KCNIP4: variants seen among roughly 807,000 people sequenced by gnomAD.
The protein encoded by KCNIP4 is Kv channel-interacting protein 4.
A neutral mutation model predicts 34.0 loss-of-function variants in KCNIP4; 12 were observed. The ratio of observed to expected loss-of-function variants is 0.35; its 90% CI spans 0.23 to 0.57. KCNIP4 has a LOEUF of 0.57. Among genes scored for constraint, KCNIP4 ranks in the 20% least tolerant of loss-of-function variants. The pLI is 0.83. For synonymous variants in KCNIP4, 124 were observed against 102.2 expected (o/e 1.21, Z -1.29); for missense variants, 238 against 311.7 (o/e 0.76, Z 1.78).
chr4:21,886,787 A>C (rs1452721010), intron 1 of KCNIP4, among the ~76,000 whole-genome samples: 1 of 151,586 alleles, frequency 6.6e-6, no homozygotes, highest in Non-Finnish European at 1.5e-5. Context: ...GGGCACACAC[A>C]CACAAATTAC....
chr4:21,295,834 A>C (rs1763809196), intron 1 of KCNIP4, among the ~76,000 whole-genome samples: 1 of 152,144 alleles, frequency 6.6e-6, no homozygotes. Context: ...CCCCAATAGT[A>C]TATACATTTC....
intron 1 of KCNIP4, among the ~76,000 whole-genome samples, chr4:21,602,740 C>G (rs1040304263): frequency 9.9e-5 from 15 of 151,916 alleles, no homozygotes; most frequent in Admixed American, 6.6e-5. Context: ...TTTACGTATG[C>G]CTGTAACTGT....
At chr4:21,097,365 C>A (rs559256236) in intron 1 of KCNIP4, among the ~76,000 whole-genome samples, 1 of 152,112 alleles carries the variant, frequency 6.6e-6, no homozygotes, top group East Asian at 1.9e-4. Context: ...ACAAAGATAT[C>A]ATTTTTTATT....
intron 1 of KCNIP4, among the ~76,000 whole-genome samples, chr4:21,053,271 G>A (rs1251101619): frequency 1.3e-5 from 2 of 152,136 alleles, no homozygotes; most frequent in African/African-American, 2.4e-5. Flanking sequence ...GCAAAGCTGA[G>A]AATATGGATT....
intron 1 of KCNIP4, among the ~76,000 whole-genome samples, chr4:20,890,367 A>C (rs1397287195): frequency 6.6e-6 from 1 of 152,178 alleles, no homozygotes; most frequent in East Asian, 1.9e-4. Context: ...ACGGGGAAAG[A>C]CATAATTTTA....
chr4:20,993,120 C>T (rs1737234813), intron 1 of KCNIP4, among the ~76,000 whole-genome samples: 1 of 151,294 alleles, frequency 6.6e-6, no homozygotes, highest in Admixed American at 6.6e-5. Context: ...TAGGCCTTCA[C>T]TCTCTAAGGG....
intron 1 of KCNIP4, among the ~76,000 whole-genome samples, chr4:21,031,346 C>G (rs529281249): frequency 6.6e-6 from 1 of 152,258 alleles, no homozygotes; most frequent in African/African-American, 2.4e-5. Context: ...TATTTTTGTA[C>G]CCATTTTTGT....
chr4:20,737,372 A>C (rs1749866811), intron 5 of KCNIP4, among the ~76,000 whole-genome samples: 1 of 152,198 alleles, frequency 6.6e-6, no homozygotes, highest in African/African-American at 2.4e-5. Context: ...GGTCCAGTGG[A>C]GTAGGAGTGA....
chr4:21,463,171 A>C (rs73105858), intron 1 of KCNIP4, among the ~76,000 whole-genome samples: 5,107 of 152,138 alleles, frequency 0.034, 113 homozygotes, highest in East Asian at 0.038. Flanking sequence ...CATCCTTCCC[A>C]ACACTTGTTA....
chr4:20,866,635 A>G (rs1257220589), intron 2 of KCNIP4, among the ~76,000 whole-genome samples: 1 of 152,098 alleles, frequency 6.6e-6, no homozygotes, highest in Non-Finnish European at 1.5e-5. Context: ...CCTATTCAAC[A>G]TGGTATTGGA....
At chr4:21,893,228 G>A (rs953360950) in intron 1 of KCNIP4, among the ~76,000 whole-genome samples, 5 of 152,112 alleles carry the variant, frequency 3.3e-5, no homozygotes, top group African/African-American at 9.7e-5. Context: ...AGGGCAGAAC[G>A]CCTTCCTAGT....
chr4:21,632,905 A>G (rs1389664239), intron 1 of KCNIP4, among the ~76,000 whole-genome samples: 1 of 152,186 alleles, frequency 6.6e-6, no homozygotes, highest in Non-Finnish European at 1.5e-5. Context: ...TGGATGCCCC[A>G]AAAGAGTTTG....
At position 20,810,461 on chromosome 4, in the gene KCNIP4, G is replaced by C. The variant is rs556220476; in HGVS notation, c.288+40082C>G. ...AGAGTACAGGGCAGGGGGGAGGAAG[G>C]GGGGAGAGAGAGAGAGAGACAGAGA... On this transcript the variant is annotated intron_variant, in intron 3 of 8. Coordinates refer to ENST00000382152, the MANE Select transcript of KCNIP4 (RefSeq NM_025221.6). Among the ~76,000 whole-genome samples the C allele has an allele frequency of 2.9e-3, 306 of 107,304 alleles. 5 individuals carry two copies. In the East Asian group the frequency reaches 0.08, roughly 28 times the overall value. 70.4% of individuals were successfully genotyped at this position (107,304 alleles called of 152,430 possible).
chr4:21,757,211 G>T lies in KCNIP4; in HGVS notation c.61+191360C>A, dbSNP rs1179623055. 6.1e-4 allele frequency among the ~76,000 whole-genome samples: 11 copies of T among 17,904 alleles called. 1 individual carries two copies. In the East Asian group the frequency reaches 0.011, roughly 17 times the overall value. The allele number at this position is 17,904 out of a possible 152,430, so 11.7% of individuals were successfully genotyped here. ...GGAAGGAAGGAAGGAAAGAAAGAAA[G>T]AAAGAAAGAAAGAAAGAAAGAAAGA... On this transcript the variant is annotated intron_variant, in intron 1 of 8. Transcript: ENST00000382152.
chr4:21,741,803 CCAAGGCAGGCAGATCA>C (rs1048981778), intron 1 of KCNIP4, among the ~76,000 whole-genome samples: 16 of 152,074 alleles, frequency 1.1e-4, no homozygotes, highest in Non-Finnish European at 7.4e-5. Flanking sequence ...CTTCGGGAAG[CCAAGGCAGGCAGATCA>C]CAAGGTCAGG....
chr4:21,117,317 G>GGGGGGGGT (rs1560737663), intron 1 of KCNIP4, among the ~76,000 whole-genome samples: 1 of 118,496 alleles, frequency 8.4e-6, no homozygotes, highest in Non-Finnish European at 1.9e-5. Context: ...GGGGGGGGGG[G>GGGGGGGGT]GGCGCTGTTT....
intron 1 of KCNIP4, among the ~76,000 whole-genome samples, chr4:21,087,378 G>A (rs1440554084): frequency 7.2e-5 from 11 of 151,980 alleles, no homozygotes; most frequent in Admixed American, 4.6e-4. Flanking sequence ...GGGTTTCACC[G>A]TGTTAGCCAG....
chr4:21,091,376 C>T lies in KCNIP4; in HGVS notation c.62-208667G>A, dbSNP rs183800254. On this transcript the variant is annotated intron_variant, in intron 1 of 8. Coordinates refer to ENST00000382152, the MANE Select transcript of KCNIP4 (RefSeq NM_025221.6). ...ACAAATATTGAATGCCATTTTATATCTCTCTTCATTTTCCAGAGAAGGGCA... is the reference window on the plus strand; with the variant it reads ...ACAAATATTGAATGCCATTTTATATTTCTCTTCATTTTCCAGAGAAGGGCA... Among the ~76,000 whole-genome samples the T allele has an allele frequency of 2.8e-3, 423 of 152,168 alleles. 2 individuals carry two copies. The highest frequency in any genetic ancestry group is 0.01 in the Middle Eastern group (3 of 294).
At chr4:21,693,381 C>T (rs1411291254) in intron 1 of KCNIP4, among the ~76,000 whole-genome samples, 1 of 151,876 alleles carries the variant, frequency 6.6e-6, no homozygotes, top group Non-Finnish European at 1.5e-5. Flanking sequence ...GCCAACATGG[C>T]GAAACCTCGT....
Sources: allele counts gnomAD v4.1 joint callset (sites outside exome capture counted in the v4.1 genomes callset), GRCh38; gene constraint gnomAD v4.1.1; transcripts MANE v1.5; gene names NCBI Gene and HGNC (gene_info 2026-07-23, HGNC 2026-07-21).